The following AMBRA1 variants were observed in gnomAD, a reference collection of about 807,000 sequenced individuals.
AMBRA1 encodes the protein autophagy and beclin 1 regulator 1.
AMBRA1 carries 47 observed loss-of-function variants against 125.4 expected under a neutral mutation model. That is an observed-to-expected ratio of 0.37 (90% CI 0.30 to 0.48). The LOEUF (loss-of-function observed/expected upper bound fraction) is 0.48. AMBRA1 is among the 20% of genes least tolerant of loss of function. AMBRA1 has a pLI of 0.99. For synonymous variants in AMBRA1, 626 were observed against 655.5 expected (o/e 0.95, Z 0.69); for missense variants, 1,331 against 1,693.4 (o/e 0.79, Z 3.76).
chr11:46,534,582 G>T (rs769162297), intron 7 of AMBRA1, among the ~76,000 whole-genome samples: 2 of 152,164 alleles, frequency 1.3e-5, no homozygotes, highest in Non-Finnish European at 2.9e-5. Flanking sequence ...ATGGATGCAT[G>T]GATCAATCAC....
At chr11:46,429,325 C>T (rs899727971) in intron 14 of AMBRA1, among the ~76,000 whole-genome samples, 2 of 152,198 alleles carry the variant, frequency 1.3e-5, no homozygotes, top group African/African-American at 2.4e-5. Context: ...GAGGAGCAGC[C>T]GCTAAGGTGG....
chr11:46,541,030 C>T (rs1952711456), intron 7 of AMBRA1, among the ~76,000 whole-genome samples: 1 of 152,236 alleles, frequency 6.6e-6, no homozygotes, highest in African/African-American at 2.4e-5. Context: ...AGAGAAATTT[C>T]AGTTGCTTCG....
At chr11:46,513,832 A>C (rs1247095535) in intron 7 of AMBRA1, among the ~76,000 whole-genome samples, 1 of 152,096 alleles carries the variant, frequency 6.6e-6, no homozygotes, top group Non-Finnish European at 1.5e-5. Flanking sequence ...GGAAAGCTAG[A>C]AATCTGGAAT....
chr11:46,438,531 T>A (rs540994630), intron 12 of AMBRA1, among the ~76,000 whole-genome samples: 3 of 152,212 alleles, frequency 2.0e-5, no homozygotes, highest in Non-Finnish European at 4.4e-5. Context: ...ATGCATTAGA[T>A]ACCGATTTGG....
intron 11 of AMBRA1, among the ~76,000 whole-genome samples, chr11:46,490,161 G>A (rs936963716): frequency 1.3e-5 from 2 of 152,216 alleles, no homozygotes; most frequent in African/African-American, 2.4e-5. Flanking sequence ...AATGTCAGCA[G>A]GGGGAGCTCC....
At chr11:46,547,756 G>A (rs2042870006) in intron 3 of AMBRA1, 61 bp downstream of exon 3, 9 of 1,518,904 alleles carry the variant, frequency 5.9e-6, no homozygotes, top group Non-Finnish European at 7.2e-6. Flanking sequence ...GATCAAGCCA[G>A]GCCAAATATA....
At chr11:46,400,324 C>T (rs1200417437) in intron 17 of AMBRA1, among the ~76,000 whole-genome samples, 2 of 151,974 alleles carry the variant, frequency 1.3e-5, no homozygotes, top group African/African-American at 4.8e-5. Flanking sequence ...GCTCCCCTAA[C>T]CCCATCCATC....
At chr11:46,593,343 C>G (rs1489637635) in intron 1 of AMBRA1, among the ~76,000 whole-genome samples, 2 of 152,038 alleles carry the variant, frequency 1.3e-5, no homozygotes, top group African/African-American at 4.8e-5. Flanking sequence ...CTCAGTTTAC[C>G]CACCCAGAAA....
At chr11:46,400,902 G>C (rs192423601) in intron 17 of AMBRA1, among the ~76,000 whole-genome samples, 1 of 152,240 alleles carries the variant, frequency 6.6e-6, no homozygotes, top group African/African-American at 2.4e-5. Flanking sequence ...TTCCTCCTGG[G>C]ACACCCGGCT....
chr11:46,418,180 C>T (rs1946637386), intron 14 of AMBRA1, 128 bp from the exon 15 acceptor site: 1 of 666,670 alleles, frequency 1.5e-6, no homozygotes, highest in African/African-American at 2.0e-5. Context: ...AACAGGATGA[C>T]TCTTTTTTTT....
Position 46,543,181 on chromosome 11 carries a change from G to A in AMBRA1, c.836C>T (p.Thr279Met), listed in dbSNP as rs559100859. ...GTAAGCGGAAGTCCTGGGGCGCTCC[G>A]TGGAGGGCTGAGGGGGAGGCGGTGG... ...SPPPPPPQPS[T>M]ERPRTSAYIR... Residue 279 changes from threonine to methionine, a missense_variant, in exon 7 of 18, where the codon ACG (threonine) becomes ATG (methionine). Transcript: ENST00000683756. 7.0e-6 allele frequency: 11 copies of A among 1,575,156 alleles called. No individual in the cohort carries two copies. The highest frequency in any genetic ancestry group is 4.0e-5 in the African/African-American group (3 of 74,192).
In AMBRA1 at chr11:46,593,906, TA is replaced by T; in HGVS notation, c.-200del. The T allele has an allele frequency of 2.5e-6, 1 of 398,414 alleles. No individual in the cohort carries two copies. Among genetic ancestry groups the T allele is most frequent in the Non-Finnish European group, 4.4e-6 (1 of 226,062 alleles). The allele number at this position is 398,414 out of a possible 1,614,324, so 24.7% of individuals were successfully genotyped here. ...GGGAAAAAGAAAGAGGAGACAGGAA[TA>T]AAGGAAGGGGTCCGTTCTACCGACC... On this transcript the variant is annotated 5_prime_UTR_variant, in exon 1 of 18. Transcript: ENST00000683756.
intron 1 of AMBRA1, among the ~76,000 whole-genome samples, chr11:46,549,854 T>C (rs1434375344): frequency 6.6e-6 from 1 of 152,120 alleles, no homozygotes; most frequent in East Asian, 1.9e-4. Flanking sequence ...AGTCTCACTC[T>C]GTGGCCCCAG....
chr11:46,558,159 T>C (rs1046177949), intron 1 of AMBRA1, among the ~76,000 whole-genome samples: 1 of 152,142 alleles, frequency 6.6e-6, no homozygotes, highest in Non-Finnish European at 1.5e-5. Context: ...CTGCCCAAAT[T>C]CCTAACCTGA....
chr11:46,566,623 T>C (rs1166155459), intron 1 of AMBRA1, among the ~76,000 whole-genome samples: 1 of 152,166 alleles, frequency 6.6e-6, no homozygotes, highest in Admixed American at 6.6e-5. Context: ...ACCTAACCCC[T>C]GAAGGCATTC....
At chr11:46,480,494 A>G (rs2136917553) in intron 11 of AMBRA1, among the ~76,000 whole-genome samples, 1 of 152,336 alleles carries the variant, frequency 6.6e-6, no homozygotes. Context: ...CCAAAGCTAT[A>G]CCACTTCCCA....
intron 14 of AMBRA1, 122 bp downstream of exon 14, chr11:46,433,352 T>A (rs1947543901): frequency 1.6e-6 from 2 of 1,245,882 alleles, no homozygotes; most frequent in East Asian, 5.2e-5. Flanking sequence ...CAGCCCTTCC[T>A]TACTCCTTAT....
At chr11:46,508,702 CAG>C (rs1272597678) in intron 8 of AMBRA1, among the ~76,000 whole-genome samples, 1 of 152,220 alleles carries the variant, frequency 6.6e-6, no homozygotes, top group Non-Finnish European at 1.5e-5. Flanking sequence ...GCTCTTTACA[CAG>C]AGCTGTGCTC....
intron 11 of AMBRA1, among the ~76,000 whole-genome samples, chr11:46,444,669 A>C (rs1948189186): frequency 6.6e-6 from 1 of 152,206 alleles, no homozygotes; most frequent in Non-Finnish European, 1.5e-5. Context: ...CTTCAGTATC[A>C]CCTAGTCTTC....
Sources: gnomAD v4.1 joint callset for allele counts (sites outside exome capture counted in the v4.1 genomes callset) on GRCh38, gnomAD v4.1.1 for gene constraint, MANE v1.5 for transcripts, NCBI Gene and HGNC (gene_info 2026-07-23, HGNC 2026-07-21) for gene names.